Variants in STK32B observed in about 807,000 individuals in gnomAD.
The protein encoded by STK32B is serine/threonine kinase 32B.
STK32B carries 43 observed loss-of-function variants against 52.6 expected under a neutral mutation model. That is an observed-to-expected ratio of 0.82 (90% CI 0.64 to 1.05). STK32B has a LOEUF of 1.05. Among genes scored for constraint, STK32B ranks in the 50% least tolerant of loss-of-function variants. STK32B has a pLI of 0.00. For synonymous variants in STK32B, 238 were observed against 204.3 expected, an observed-to-expected ratio of 1.17 and a Z score of -1.41; for missense variants, 621 against 534.6, an observed-to-expected ratio of 1.16 and a Z score of -1.59.
At chr4:5,342,021 G>C (rs1161906258) in intron 4 of STK32B, among the ~76,000 whole-genome samples, 1 of 152,062 alleles carries the variant, frequency 6.6e-6, no homozygotes, top group Non-Finnish European at 1.5e-5. Context: ...ACAGGCCCCA[G>C]TGTGTGATGG....
chr4:5,439,935 A>G (rs1386442586), intron 6 of STK32B, among the ~76,000 whole-genome samples: 1 of 152,176 alleles, frequency 6.6e-6, no homozygotes, highest in Non-Finnish European at 1.5e-5. Context: ...ATTATTTCTA[A>G]GGGCTCTGTT....
intron 4 of STK32B, among the ~76,000 whole-genome samples, chr4:5,339,464 T>C (rs1732927022): frequency 6.6e-6 from 1 of 152,044 alleles, no homozygotes; most frequent in East Asian, 1.9e-4. Context: ...TGTGTAGATT[T>C]GAAACTGTGT....
At chr4:5,049,852 G>A (rs1000740133), upstream of STK32B, among the ~76,000 whole-genome samples, 2 of 152,136 alleles carry the variant, frequency 1.3e-5, no homozygotes, top group African/African-American at 4.8e-5. Context: ...CTCCCAAAGT[G>A]CTGGGATTAC....
chr4:5,218,531 G>T (rs528349495), intron 3 of STK32B, among the ~76,000 whole-genome samples: 16 of 152,312 alleles, frequency 1.1e-4, no homozygotes, highest in South Asian at 2.1e-4. Flanking sequence ...TAGCCTGAAA[G>T]GGGGAGGACA....
rs569227977 is a variant in STK32B at position 5,132,058 on chromosome 4, G to A, written c.53-7847G>A. Among the ~76,000 whole-genome samples, 4 of 152,240 alleles carry A rather than the reference G, an allele frequency of 2.6e-5. No homozygotes were observed. In the East Asian group the frequency reaches 5.8e-4, roughly 22 times the overall value. ...TTCTGTTCCTGTGTTAGTTTGCATG[G>A]GGTAATGGCCTCCAGCTCCATCCAT... On this transcript the variant is annotated intron_variant, in intron 1 of 11. Transcript: ENST00000282908.
chr4:5,058,373 A>G lies in STK32B; in HGVS notation c.52+6458A>G, dbSNP rs1742087811. 1.3e-5 allele frequency among the ~76,000 whole-genome samples: 2 copies of G among 152,188 alleles called. No homozygotes were observed. Among genetic ancestry groups the G allele is most frequent in the Admixed American group, 6.5e-5 (1 of 15,286 alleles). ...ACATATGTCACATCTTGGAGAAAGTATTGAAGACCTAGTGAGTGTCACTTT... is the reference window on the plus strand; with the variant it reads ...ACATATGTCACATCTTGGAGAAAGTGTTGAAGACCTAGTGAGTGTCACTTT... On this transcript the variant is annotated intron_variant, in intron 1 of 11. Coordinates refer to ENST00000282908, the MANE Select transcript of STK32B (RefSeq NM_018401.3). This position sits in a 1 kb window ranked among gnomAD's most constrained non-coding sequence, Gnocchi z 4.8.
chr4:5,321,294 G>C (rs1731474026), intron 3 of STK32B, among the ~76,000 whole-genome samples: 1 of 152,080 alleles, frequency 6.6e-6, no homozygotes, highest in Non-Finnish European at 1.5e-5. Context: ...TTAGGACCAT[G>C]GCTACTACAT....
chr4:5,117,736 A>G (rs1034596991), intron 1 of STK32B, among the ~76,000 whole-genome samples: 2 of 152,148 alleles, frequency 1.3e-5, no homozygotes, highest in African/African-American at 4.8e-5. Context: ...AAGGACTGAA[A>G]TCTAAAATTG....
At chr4:5,388,032 A>C (rs1315885425) in intron 4 of STK32B, among the ~76,000 whole-genome samples, 2 of 152,200 alleles carry the variant, frequency 1.3e-5, no homozygotes, top group African/African-American at 4.8e-5. Context: ...GGCATGAGCC[A>C]CCACTCCCGG....
At chr4:5,258,495 C>A (rs541075990) in intron 3 of STK32B, among the ~76,000 whole-genome samples, 2 of 152,172 alleles carry the variant, frequency 1.3e-5, no homozygotes, top group Non-Finnish European at 2.9e-5. Context: ...CTGTTGCAAG[C>A]GTTCCGTGCA....
At chr4:5,036,655 G>A in the STK32B span, among the ~76,000 whole-genome samples, 1 of 146,490 alleles carries the variant, frequency 6.8e-6, no homozygotes, top group Non-Finnish European at 1.5e-5. Flanking sequence ...CAAGGCAAGG[G>A]TGGATTTTTT....
At chr4:5,161,854 A>G (rs922033567) in intron 2 of STK32B, among the ~76,000 whole-genome samples, 4 of 151,998 alleles carry the variant, frequency 2.6e-5, no homozygotes, top group African/African-American at 7.2e-5. Context: ...CCCACCCCAA[A>G]TCGGTCATTT....
Position 5,051,730 on chromosome 4 carries a change from C to T in STK32B, c.-134C>T. 1 of 1,214,526 alleles carries T rather than the reference C, an allele frequency of 8.2e-7. No homozygotes were observed. Among genetic ancestry groups the T allele is most frequent in the South Asian group, 1.5e-5 (1 of 66,980 alleles). 75.2% of individuals were successfully genotyped at this position (1,214,526 alleles called of 1,614,324 possible). ...GTCCCCGCCCCTGCACGGTGCTCGGCCCCCTCGGGCTCCGCGCGCGGCTAC... is the reference window on the plus strand; with the variant it reads ...GTCCCCGCCCCTGCACGGTGCTCGGTCCCCTCGGGCTCCGCGCGCGGCTAC... On this transcript the variant is annotated 5_prime_UTR_variant, in exon 1 of 12. Coordinates refer to ENST00000282908, the MANE Select transcript of STK32B (RefSeq NM_018401.3).
intron 11 of STK32B, among the ~76,000 whole-genome samples, chr4:5,472,069 C>G (rs1444095824): frequency 6.6e-6 from 1 of 152,220 alleles, no homozygotes; most frequent in African/African-American, 2.4e-5. Flanking sequence ...CACCCATCAT[C>G]TGCACCAAGC....
intron 2 of STK32B, 73 bp downstream of exon 2, chr4:5,140,033 G>A: frequency 1.3e-6 from 2 of 1,576,386 alleles, no homozygotes; most frequent in Non-Finnish European, 1.7e-6. Flanking sequence ...GTTGGTTGCT[G>A]GGCACTGGGA....
chr4:5,446,686 C>G lies in STK32B; in HGVS notation c.576C>G (p.Phe192Leu), dbSNP rs529797356. 5.6e-6 allele frequency: 9 copies of G among 1,613,886 alleles called. No homozygotes were observed. The South Asian group carries it at 7.7e-5, about 14-fold the overall frequency. Residue 192 changes from phenylalanine to leucine, a missense_variant, in exon 7 of 12, where the codon TTC (phenylalanine) becomes TTG (leucine). Physicochemically the swap from Phe to Leu is conservative, Grantham distance 22. Transcript: ENST00000282908. Reference sequence around the variant, plus strand: ...TCTCGTTGGCAGCTCCAGAAGTATTCCAGGTGTACATGGACAGAGGCCCCG... The same window carrying G: ...TCTCGTTGGCAGCTCCAGAAGTATTGCAGGTGTACATGGACAGAGGCCCCG... ...GTKPYMAPEVFQVYMDRGPGY... is the reference protein window; with the variant it reads ...GTKPYMAPEVLQVYMDRGPGY...
At chr4:5,381,313 T>G (rs527829687) in intron 4 of STK32B, among the ~76,000 whole-genome samples, 1 of 152,336 alleles carries the variant, frequency 6.6e-6, no homozygotes, top group South Asian at 2.1e-4. Context: ...TTAGAGCATT[T>G]AAGTCTCCAG....
In STK32B at chr4:5,316,622, T is replaced by C. The variant is rs866083042; in HGVS notation, c.261-14598T>C. On this transcript the variant is annotated intron_variant, in intron 3 of 11. Coordinates refer to ENST00000282908, the MANE Select transcript of STK32B (RefSeq NM_018401.3). ...CATATATAATATATATTATATATTA[T>C]ATATATAATATATAATATATTATAT... Among the ~76,000 whole-genome samples the C allele has an allele frequency of 7.3e-3, 72 of 9,856 alleles. 6 individuals are homozygous for C. Among genetic ancestry groups the C allele is most frequent in the African/African-American group, 0.051 (38 of 738 alleles). 6.5% of individuals were successfully genotyped at this position (9,856 alleles called of 152,430 possible).
At chr4:5,262,434 G>T (rs181309969) in intron 3 of STK32B, among the ~76,000 whole-genome samples, 1 of 151,558 alleles carries the variant, frequency 6.6e-6, no homozygotes, top group Non-Finnish European at 1.5e-5. Flanking sequence ...AGACCATCTG[G>T]CTAACATGGT....
Sources: gnomAD v4.1 joint callset for allele counts (sites outside exome capture counted in the v4.1 genomes callset) on GRCh38, gnomAD v4.1.1 for gene constraint, Gnocchi (gnomAD v3.1) non-coding constraint, MANE v1.5 for transcripts, NCBI Gene and HGNC (gene_info 2026-07-23, HGNC 2026-07-21) for gene names.